Variants in STXBP4 observed in about 807,000 individuals in gnomAD.
STXBP4 encodes the protein syntaxin-binding protein 4.
Under a neutral mutation model 76.1 loss-of-function variants are expected in STXBP4, and 55 were observed. That is an observed-to-expected ratio of 0.72 (90% CI 0.58 to 0.91). STXBP4 has a LOEUF of 0.91. STXBP4 is among the 40% of genes least tolerant of loss of function. The pLI, the probability that STXBP4 is intolerant of heterozygous loss-of-function variation, is 0.00. For missense variants in STXBP4, 618 were observed against 636.9 expected, an observed-to-expected ratio of 0.97 and a Z score of 0.32; for synonymous variants, 201 against 220.2, an observed-to-expected ratio of 0.91 and a Z score of 0.77.
chr17:55,148,813 C>T (rs569908260), intron 17 of STXBP4, among the ~76,000 whole-genome samples: 5 of 152,288 alleles, frequency 3.3e-5, no homozygotes, highest in South Asian at 2.1e-4. Flanking sequence ...GGATTACAGG[C>T]GTGAGCAAGC....
chr17:55,094,473 A>G (rs2079458141), intron 16 of STXBP4, among the ~76,000 whole-genome samples: 1 of 152,196 alleles, frequency 6.6e-6, no homozygotes, highest in Non-Finnish European at 1.5e-5. Flanking sequence ...ACTTGGGCTC[A>G]GTTTGAAGTA....
At chr17:55,030,333 C>T (rs1213971531) in intron 8 of STXBP4, among the ~76,000 whole-genome samples, 1 of 151,992 alleles carries the variant, frequency 6.6e-6, no homozygotes, top group Non-Finnish European at 1.5e-5. Flanking sequence ...TTTTTTCTTC[C>T]TCTTTCTTTC....
At chr17:55,137,173 T>A (rs938574518) in intron 16 of STXBP4, among the ~76,000 whole-genome samples, 11 of 152,156 alleles carry the variant, frequency 7.2e-5, no homozygotes, top group Admixed American at 3.3e-4. Flanking sequence ...ATTTTCTGAC[T>A]GCAAATCAAG....
chr17:55,053,644 C>G (rs904140963), intron 12 of STXBP4, among the ~76,000 whole-genome samples: 6 of 151,868 alleles, frequency 4.0e-5, no homozygotes, highest in African/African-American at 1.5e-4. Flanking sequence ...TTTTAAAGTC[C>G]TCTATTTTCG....
chr17:55,039,951 T>G (rs908898714), intron 10 of STXBP4, among the ~76,000 whole-genome samples: 1 of 152,050 alleles, frequency 6.6e-6, no homozygotes. Context: ...TTTGGGAATA[T>G]TTTGGAGAGT....
chr17:55,052,227 C>G (rs1336671755), intron 12 of STXBP4, among the ~76,000 whole-genome samples: 1 of 151,966 alleles, frequency 6.6e-6, no homozygotes, highest in African/African-American at 2.4e-5. Context: ...AAAATATAAG[C>G]CTGGAATATC....
At chr17:54,980,993 T>C (rs1303926525) in intron 1 of STXBP4, among the ~76,000 whole-genome samples, 1 of 152,264 alleles carries the variant, frequency 6.6e-6, no homozygotes, top group Middle Eastern at 3.4e-3. Flanking sequence ...ATATTAGTGT[T>C]AGTGTATTTC....
At position 55,007,518 on chromosome 17, in the gene STXBP4, C is replaced by G; in HGVS notation, c.587C>G (p.Ala196Gly). The G allele has an allele frequency of 6.2e-7, 1 of 1,610,826 alleles. No individual in the cohort carries two copies. The highest frequency in any genetic ancestry group is 8.5e-7 in the Non-Finnish European group (1 of 1,178,962). ...TGTTGTCTCTTAGATGTTGCTTCTG[C>G]CTGGACTGAAAATTATGGGCTACAA... is the stretch of plus-strand genomic sequence containing the variant. ...VGLSNTDVAS[A>G]WTENYGLQEK... is the part of the protein sequence containing the mutation. The change falls in exon 8 of 18, where the codon GCC (alanine) becomes GGC (glycine). Residue 196 changes from alanine (A) to glycine (G), a missense_variant. Transcript: ENST00000376352.
At chr17:55,132,937 G>A (rs1043795934) in intron 16 of STXBP4, among the ~76,000 whole-genome samples, 5 of 152,206 alleles carry the variant, frequency 3.3e-5, no homozygotes, top group Non-Finnish European at 5.9e-5. Context: ...TACTTGTTAT[G>A]TTCAAGGAAC....
chr17:55,098,727 CCTGT>C (rs1279018211), intron 16 of STXBP4, among the ~76,000 whole-genome samples: 1 of 152,184 alleles, frequency 6.6e-6, no homozygotes, highest in African/African-American at 2.4e-5. Context: ...TACCTAATCA[CCTGT>C]CTAATGTTGA....
chr17:55,151,513 T>C (rs2080217351), intron 17 of STXBP4, among the ~76,000 whole-genome samples: 1 of 152,214 alleles, frequency 6.6e-6, no homozygotes, highest in Non-Finnish European at 1.5e-5. Context: ...TGATCATGCC[T>C]GCACTTTGTT....
At chr17:55,081,222 T>C (rs1486346329) in intron 16 of STXBP4, 39 bp downstream of exon 16, 1 of 1,361,750 alleles carries the variant, frequency 7.3e-7, no homozygotes, top group Admixed American at 3.7e-5. Context: ...AAAAGTAATT[T>C]ATTTAACAAA....
chr17:54,986,417 C>T, intron 3 of STXBP4, 151 bp downstream of exon 3: 1 of 597,600 alleles, frequency 1.7e-6, no homozygotes, highest in Non-Finnish European at 3.0e-6. Flanking sequence ...GTTGAATTAC[C>T]TTTCAATGTA....
intron 16 of STXBP4, among the ~76,000 whole-genome samples, chr17:55,107,078 A>G (rs2079644290): frequency 6.6e-6 from 1 of 152,110 alleles, no homozygotes; most frequent in Non-Finnish European, 1.5e-5. Flanking sequence ...ACACCAATCA[A>G]ACATAGGTTT....
the STXBP4 span, among the ~76,000 whole-genome samples, chr17:55,199,679 A>G: frequency 6.6e-6 from 1 of 152,240 alleles, no homozygotes. Context: ...TAAGGTACTC[A>G]GCAAAATAAC....
downstream of STXBP4, chr17:55,173,652 A>T (rs1303554980): frequency 6.6e-6 from 1 of 152,210 alleles, no homozygotes; most frequent in Non-Finnish European, 1.5e-5. Context: ...TTTTGTGTGA[A>T]CATAAGTATT....
chr17:55,095,268 ACT>A (rs1329637509), intron 16 of STXBP4, among the ~76,000 whole-genome samples: 1 of 152,214 alleles, frequency 6.6e-6, no homozygotes, highest in African/African-American at 2.4e-5. Flanking sequence ...AAAAGATGAA[ACT>A]CTGATTCCTT....
At position 55,172,147 on chromosome 17, in the gene STXBP4, G is replaced by A. The variant is rs1466753900; in HGVS notation, c.*12236G>A. ...AAGGTTTGACTCATCTGGGTTAGTA[G>A]TAAGAACAAACTTCCAAGTGGCACC... is the stretch of plus-strand genomic sequence containing the variant. On this transcript the variant is annotated 3_prime_UTR_variant, in exon 18 of 18. Transcript: ENST00000376352. 2.6e-5 allele frequency: 4 copies of A among 152,326 alleles called. No individual in the cohort carries two copies. The highest frequency in any genetic ancestry group is 1.5e-5 in the Non-Finnish European group (1 of 68,046). 9.4% of individuals were successfully genotyped at this position (152,326 alleles called of 1,614,324 possible).
chr17:55,074,761 T>C (rs1428683049), intron 13 of STXBP4, among the ~76,000 whole-genome samples: 1 of 152,092 alleles, frequency 6.6e-6, no homozygotes, highest in Non-Finnish European at 1.5e-5. Flanking sequence ...ATGCCATTTC[T>C]CTTAACAAGA....
Sources: gnomAD v4.1 joint callset for allele counts (sites outside exome capture counted in the v4.1 genomes callset) on GRCh38, gnomAD v4.1.1 for gene constraint, MANE v1.5 for transcripts, NCBI Gene and HGNC (gene_info 2026-07-23, HGNC 2026-07-21) for gene names.